The following TNR variants were observed in gnomAD, a reference collection of about 807,000 sequenced individuals.
The protein encoded by TNR is tenascin R.
In TNR, 45 loss-of-function variants were observed where a neutral mutation model predicts 150.4. That is an observed-to-expected ratio of 0.30 (90% CI 0.24 to 0.38). TNR has a LOEUF of 0.38. Ranked by LOEUF, TNR falls within the 10% of genes least tolerant of loss-of-function variation. The pLI is 1.00. For missense variants in TNR, 1,544 were observed against 1,759.1 expected, an observed-to-expected ratio of 0.88 and a Z score of 2.19; for synonymous variants, 687 against 678.4, an observed-to-expected ratio of 1.01 and a Z score of -0.20.
At chr1:175,532,212 T>C (rs1401990626) in intron 1 of TNR, among the ~76,000 whole-genome samples, 2 of 152,274 alleles carry the variant, frequency 1.3e-5, no homozygotes, top group Non-Finnish European at 1.5e-5. Flanking sequence ...TGATCAGCTA[T>C]AGACAAGATT....
intron 1 of TNR, among the ~76,000 whole-genome samples, chr1:175,697,719 T>C (rs1439289060): frequency 1.3e-5 from 2 of 152,252 alleles, no homozygotes; most frequent in East Asian, 3.8e-4. Flanking sequence ...TCAGTTCCAC[T>C]TGGGAGGGCA....
At chr1:175,381,279 C>T (rs924868774) in intron 8 of TNR, among the ~76,000 whole-genome samples, 1 of 152,192 alleles carries the variant, frequency 6.6e-6, no homozygotes, top group Non-Finnish European at 1.5e-5. Flanking sequence ...GCAGCTAGAA[C>T]TGAACTGGGG....
At chr1:175,733,400 G>T (rs1667692400) in intron 1 of TNR, among the ~76,000 whole-genome samples, 1 of 152,166 alleles carries the variant, frequency 6.6e-6, no homozygotes, top group South Asian at 2.1e-4. Flanking sequence ...CCACAAAGAA[G>T]GATGCTGCTT....
At chr1:175,672,162 C>A (rs1665722045) in intron 1 of TNR, among the ~76,000 whole-genome samples, 1 of 152,188 alleles carries the variant, frequency 6.6e-6, no homozygotes, top group Non-Finnish European at 1.5e-5. Context: ...GACATTAAAA[C>A]CTTCTTGCAG....
chr1:175,720,576 G>A (rs1667271234), intron 1 of TNR, among the ~76,000 whole-genome samples: 1 of 152,188 alleles, frequency 6.6e-6, no homozygotes, highest in Admixed American at 6.5e-5. Context: ...GGAAGTAGAT[G>A]TTTCAATAGG....
intron 2 of TNR, among the ~76,000 whole-genome samples, chr1:175,462,876 G>A (rs180937483): frequency 6.6e-6 from 1 of 152,310 alleles, no homozygotes; most frequent in Non-Finnish European, 1.5e-5. Context: ...TAAGGGAGGG[G>A]CAAAAGTTTG....
In TNR at chr1:175,729,474, G is replaced by A. The variant is rs78218227; in HGVS notation, c.-165+13752C>T. On this transcript the variant is annotated intron_variant, in intron 1 of 22. Transcript: ENST00000367674. Reference sequence around the variant, plus strand: ...AGACAGGGTCTTGCTCTGTCTCCACGCCAGAGTGCAGTGGTGAGATCATAA... The same window carrying A: ...AGACAGGGTCTTGCTCTGTCTCCACACCAGAGTGCAGTGGTGAGATCATAA... 6.6e-3 allele frequency among the ~76,000 whole-genome samples: 1,004 copies of A among 151,590 alleles called. 9 individuals are homozygous for A. Among genetic ancestry groups the A allele is most frequent in the African/African-American group, 0.022 (910 of 41,296 alleles).
In TNR at chr1:175,406,720, C is replaced by T. The variant is rs770586111; in HGVS notation, c.-6G>A. Reference sequence around the variant, plus strand: ...GTTTCCCCATCTGCCCCCATCCTCTCAGCCAGAGATCTGGGTTCAGGACCA... The same window carrying T: ...GTTTCCCCATCTGCCCCCATCCTCTTAGCCAGAGATCTGGGTTCAGGACCA... On this transcript the variant is annotated 5_prime_UTR_variant, in exon 3 of 23. Transcript: ENST00000367674. 1.9e-6 allele frequency: 3 copies of T among 1,612,464 alleles called. No homozygotes were observed. Among genetic ancestry groups the T allele is most frequent in the African/African-American group, 1.3e-5 (1 of 74,910 alleles).
chr1:175,705,194 A>G (rs1014353011), intron 1 of TNR, among the ~76,000 whole-genome samples: 1 of 152,180 alleles, frequency 6.6e-6, no homozygotes, highest in Non-Finnish European at 1.5e-5. Context: ...ATGGTCTCAG[A>G]GATAGAAAGA....
intron 1 of TNR, among the ~76,000 whole-genome samples, chr1:175,684,677 T>C (rs1185706987): frequency 2.0e-5 from 3 of 152,242 alleles, no homozygotes; most frequent in African/African-American, 4.8e-5. Flanking sequence ...TTCTGAAGTA[T>C]GTTCTTTGAA....
chr1:175,714,603 C>A (rs1437423666), intron 1 of TNR, among the ~76,000 whole-genome samples: 1 of 152,176 alleles, frequency 6.6e-6, no homozygotes, highest in Non-Finnish European at 1.5e-5. Context: ...CTGAACCATC[C>A]CCCGTTTTGA....
chr1:175,679,755 C>T (rs73035419), intron 1 of TNR, among the ~76,000 whole-genome samples: 4 of 152,142 alleles, frequency 2.6e-5, no homozygotes, highest in African/African-American at 4.8e-5. Context: ...ATTAAAGCAA[C>T]GTTCCAGAAG....
intron 1 of TNR, among the ~76,000 whole-genome samples, chr1:175,672,283 C>T (rs897173665): frequency 1.3e-5 from 2 of 152,106 alleles, no homozygotes; most frequent in Admixed American, 6.5e-5. Context: ...TGCATTCCCC[C>T]ACCCTATCTA....
At chr1:175,578,346 AT>A (rs1662205244) in intron 1 of TNR, among the ~76,000 whole-genome samples, 1 of 152,128 alleles carries the variant, frequency 6.6e-6, no homozygotes, top group Non-Finnish European at 1.5e-5. Flanking sequence ...GGTAAACAAG[AT>A]TGATAAAAGA....
At chr1:175,377,158 A>T (rs1453238736) in intron 9 of TNR, among the ~76,000 whole-genome samples, 2 of 152,124 alleles carry the variant, frequency 1.3e-5, no homozygotes, top group Non-Finnish European at 2.9e-5. Flanking sequence ...TCATCTGTAA[A>T]ATGGGAATGC....
Position 175,403,411 on chromosome 1 carries a change from G to A in TNR, c.705C>T (p.Cys235=), listed in dbSNP as rs1352322579. The A allele has an allele frequency of 2.5e-6, 4 of 1,614,166 alleles. No individual in the cohort carries two copies. Among genetic ancestry groups the A allele is most frequent in the Admixed American group, 1.7e-5 (1 of 60,024 alleles). Residue 235 remains cysteine, a synonymous_variant, in exon 4 of 23, where the codon TGC becomes TGT. Coordinates refer to ENST00000367674, the MANE Select transcript of TNR (RefSeq NM_003285.3). ...GCCCCCGGGAGCTGCAGTCTGTTGG[G>A]CACCGGAGTTCGGAACAGTCATCCC... The part of the protein sequence containing the change: ...YSGDDCSELR[C]PTDCSSRGLC...
At chr1:175,640,527 T>A (rs557146263) in intron 1 of TNR, among the ~76,000 whole-genome samples, 50 of 152,336 alleles carry the variant, frequency 3.3e-4, no homozygotes, top group African/African-American at 1.1e-3. Flanking sequence ...AAGCTTACTT[T>A]GCCCTACCTA....
chr1:175,323,875 G>T lies in TNR; in HGVS notation c.3958-399C>A, dbSNP rs553313888. ...TCTACCTAGGGTGACAAACCCTTTT[G>T]GTTTGCCTAGAACTGAAGGGCTTCC... On this transcript the variant is annotated intron_variant, in intron 22 of 22. Coordinates refer to ENST00000367674, the MANE Select transcript of TNR (RefSeq NM_003285.3). 3.9e-5 allele frequency among the ~76,000 whole-genome samples: 6 copies of T among 152,208 alleles called. No homozygotes were observed. In the East Asian group the frequency reaches 1.2e-3, roughly 29 times the overall value.
intron 2 of TNR, among the ~76,000 whole-genome samples, chr1:175,456,959 G>T (rs1222496692): frequency 6.6e-6 from 1 of 152,006 alleles, no homozygotes; most frequent in African/African-American, 2.4e-5. Context: ...CAATTGCTGT[G>T]GGGGGCATTT....
Sources: allele counts gnomAD v4.1 joint callset (sites outside exome capture counted in the v4.1 genomes callset), GRCh38; gene constraint gnomAD v4.1.1; transcripts MANE v1.5; gene names NCBI Gene and HGNC (gene_info 2026-07-23, HGNC 2026-07-21).